Variants in KAT2B observed in about 807,000 individuals in gnomAD.
KAT2B encodes the protein histone acetyltransferase KAT2B.
Under a neutral mutation model 105.9 loss-of-function variants are expected in KAT2B, and 36 were observed. The ratio of observed to expected loss-of-function variants is 0.34; its 90% CI spans 0.26 to 0.45. The LOEUF (loss-of-function observed/expected upper bound fraction) is 0.45, where lower values mean the gene tolerates loss of function less well. Ranked by LOEUF, KAT2B falls within the 20% of genes least tolerant of loss-of-function variation. The pLI is 1.00. For synonymous variants in KAT2B, 397 were observed against 377.9 expected (o/e 1.05, Z -0.59); for missense variants, 820 against 1,021.6 (o/e 0.80, Z 2.69).
chr3:20,049,151 C>T (rs532613455), intron 1 of KAT2B, among the ~76,000 whole-genome samples: 12 of 152,224 alleles, frequency 7.9e-5, no homozygotes, highest in South Asian at 4.2e-4. Flanking sequence ...TGAGCCACCG[C>T]GCCTGGCCGG....
intron 5 of KAT2B, among the ~76,000 whole-genome samples, chr3:20,109,282 CCAGA>C (rs1190137210): frequency 2.2e-5 from 3 of 137,618 alleles, no homozygotes; most frequent in East Asian, 2.1e-4. Flanking sequence ...CCCCTCAGCC[CCAGA>C]TAGATAGATA....
chr3:20,121,574 G>C (rs1170118218), intron 8 of KAT2B, among the ~76,000 whole-genome samples: 2 of 152,038 alleles, frequency 1.3e-5, no homozygotes, highest in African/African-American at 4.8e-5. Context: ...ACTTTGTGAG[G>C]CATCATTTTA....
At chr3:20,118,849 C>T (rs1008466524) in intron 7 of KAT2B, among the ~76,000 whole-genome samples, 3 of 148,920 alleles carry the variant, frequency 2.0e-5, no homozygotes, top group African/African-American at 7.4e-5. Context: ...TTGAAAGTTA[C>T]AAACATCATG....
chr3:20,116,785 T>C lies in KAT2B; in HGVS notation c.1150+1797T>C, dbSNP rs559387739. Among the ~76,000 whole-genome samples the C allele has an allele frequency of 8.5e-5, 13 of 152,238 alleles. 1 individual carries two copies. The South Asian group carries it at 2.1e-3, about 24-fold the overall frequency. On this transcript the variant is annotated intron_variant, in intron 7 of 17. Coordinates refer to ENST00000263754, the MANE Select transcript of KAT2B (RefSeq NM_003884.5). ...AAACCCTGGGAAGTTGGAATTATGA[T>C]CTCCTTTACATAGTTGAGGAAATAG...
At chr3:20,063,394 A>C (rs940670275) in intron 1 of KAT2B, among the ~76,000 whole-genome samples, 4 of 150,680 alleles carry the variant, frequency 2.7e-5, no homozygotes, top group Non-Finnish European at 4.4e-5. Context: ...ATCTAGTATC[A>C]TGAAGATTTT....
At chr3:20,101,549 G>A in intron 5 of KAT2B, 81 bp downstream of exon 5, 1 of 1,069,470 alleles carries the variant, frequency 9.4e-7, no homozygotes, top group South Asian at 1.4e-5. Flanking sequence ...TATAAGTATA[G>A]GGCTGCCTAG....
At chr3:20,053,635 T>C (rs1697954105) in intron 1 of KAT2B, among the ~76,000 whole-genome samples, 1 of 152,216 alleles carries the variant, frequency 6.6e-6, no homozygotes, top group Non-Finnish European at 1.5e-5. Context: ...GCATATATTC[T>C]AGAAGTCTGT....
intron 2 of KAT2B, among the ~76,000 whole-genome samples, chr3:20,090,037 CTTTGTGTGTTGATT>C (rs897879219): frequency 4.0e-5 from 6 of 151,534 alleles, no homozygotes; most frequent in African/African-American, 1.5e-4. Context: ...TGGTACTGAT[CTTTGTGTGTTGATT>C]TTGTATCCTG....
intron 1 of KAT2B, among the ~76,000 whole-genome samples, chr3:20,043,502 G>A (rs1484020967): frequency 6.6e-6 from 1 of 152,110 alleles, no homozygotes; most frequent in African/African-American, 2.4e-5. Flanking sequence ...TTGGCTTCCT[G>A]GAGGAAGTGT....
intron 11 of KAT2B, among the ~76,000 whole-genome samples, chr3:20,135,927 A>C (rs1036795356): frequency 6.6e-6 from 1 of 152,188 alleles, no homozygotes; most frequent in Admixed American, 6.5e-5. Context: ...CAACTATATG[A>C]TGCCTGAAAA....
intron 5 of KAT2B, among the ~76,000 whole-genome samples, chr3:20,106,981 A>ACATATG (rs1699020419): frequency 6.4e-4 from 4 of 6,240 alleles, no homozygotes; most frequent in Non-Finnish European, 8.2e-4. Context: ...ATATATATGT[A>ACATATG]TATATATATA....
chr3:20,083,897 G>A (rs1267426483), intron 2 of KAT2B, among the ~76,000 whole-genome samples: 5 of 152,114 alleles, frequency 3.3e-5, no homozygotes, highest in Middle Eastern at 3.2e-3. Context: ...GTCATTTTCC[G>A]TGATGGTGGT....
Position 20,119,642 on chromosome 3 carries a change from A to G in KAT2B, c.1195A>G (p.Thr399Ala), listed in dbSNP as rs1372684831. 1 of 1,614,024 alleles carries G rather than the reference A, an allele frequency of 6.2e-7. No homozygotes were observed. Among genetic ancestry groups the G allele is most frequent in the Non-Finnish European group, 8.5e-7 (1 of 1,179,964 alleles). The change falls in exon 8 of 18, where the codon ACC (threonine) becomes GCC (alanine). Residue 399 changes from threonine to alanine, a missense_variant. Physicochemically the swap from Thr to Ala is moderately conservative, Grantham distance 58. Coordinates refer to ENST00000263754, the MANE Select transcript of KAT2B (RefSeq NM_003884.5). ...GGCTGGGACAATTTCATACAATTCA[A>G]CCTCATCTTCCCTTGAGCAGCCAAA... The part of the protein sequence containing the change: ...PVAGTISYNS[T>A]SSSLEQPNAG...
intron 11 of KAT2B, among the ~76,000 whole-genome samples, chr3:20,128,931 C>T (rs1172131426): frequency 3.5e-5 from 5 of 141,496 alleles, no homozygotes; most frequent in East Asian, 2.1e-4. Flanking sequence ...TGCTTGAACC[C>T]GGGAGGCGGA....
chr3:20,148,141 G>C, intron 15 of KAT2B, 102 bp from the exon 16 acceptor site: 1 of 1,350,852 alleles, frequency 7.4e-7, no homozygotes, highest in East Asian at 2.3e-5. Context: ...ATTCTGGAAT[G>C]GTTCCAATTT....
intron 1 of KAT2B, among the ~76,000 whole-genome samples, chr3:20,041,359 G>C (rs557912223): frequency 6.6e-6 from 1 of 152,262 alleles, no homozygotes; most frequent in Admixed American, 6.5e-5. Context: ...TCGGCTGGGG[G>C]CGGAGGCACT....
chr3:20,145,923 A>G (rs1699777397), intron 13 of KAT2B, among the ~76,000 whole-genome samples: 2 of 152,142 alleles, frequency 1.3e-5, no homozygotes, highest in African/African-American at 2.4e-5. Context: ...TAGTTATGGG[A>G]AGTGAAGAGG....
intron 2 of KAT2B, among the ~76,000 whole-genome samples, chr3:20,090,197 TCTTA>T (rs1187694682): frequency 1.3e-5 from 2 of 152,348 alleles, no homozygotes; most frequent in African/African-American, 4.8e-5. Flanking sequence ...CATTTCTTTT[TCTTA>T]CTTAATTGCT....
intron 2 of KAT2B, among the ~76,000 whole-genome samples, chr3:20,084,746 A>G (rs1356478209): frequency 6.6e-6 from 1 of 152,222 alleles, no homozygotes; most frequent in Non-Finnish European, 1.5e-5. Context: ...CAGTGGTTTT[A>G]AAGCTGCAGA....
Sources: allele counts gnomAD v4.1 joint callset (sites outside exome capture counted in the v4.1 genomes callset), GRCh38; gene constraint gnomAD v4.1.1; transcripts MANE v1.5; gene names NCBI Gene and HGNC (gene_info 2026-07-23, HGNC 2026-07-21).